NCR1: variants seen among roughly 807,000 people sequenced by gnomAD.
NCR1 encodes the protein natural cytotoxicity triggering receptor 1.
A neutral mutation model predicts 32.5 loss-of-function variants in NCR1; 30 were observed. The ratio of observed to expected loss-of-function variants is 0.92; its 90% CI spans 0.69 to 1.25. The LOEUF (loss-of-function observed/expected upper bound fraction) is 1.25. Ranked by LOEUF, NCR1 falls within the 50% of genes most tolerant of loss-of-function variation. NCR1 has a pLI of 0.00. For missense variants in NCR1, 369 were observed against 380.7 expected (o/e 0.97, Z 0.26); for synonymous variants, 169 against 143.4 (o/e 1.18, Z -1.28).
the NCR1 span, among the ~76,000 whole-genome samples, chr19:54,926,897 CAG>C: frequency 1.6e-5 from 2 of 124,202 alleles, no homozygotes; most frequent in South Asian, 2.6e-4. Context: ...GCCTGGGGGA[CAG>C]AGAGAGACTC....
chr19:54,909,015 A>G (rs1170472894), intron 3 of NCR1, among the ~76,000 whole-genome samples: 11 of 151,030 alleles, frequency 7.3e-5, no homozygotes, highest in Non-Finnish European at 1.3e-4. Flanking sequence ...AAAAAAAAAA[A>G]AGCTGGCTGC....
At chr19:54,907,370 C>T (rs1432146118) in intron 3 of NCR1, among the ~76,000 whole-genome samples, 1 of 149,466 alleles carries the variant, frequency 6.7e-6, no homozygotes, top group African/African-American at 2.5e-5. Flanking sequence ...AGGGTGGTGT[C>T]GAACTCCTGA....
intron 4 of NCR1, 67 bp from the exon 5 acceptor site, chr19:54,909,951 A>AG: frequency 7.2e-7 from 1 of 1,395,298 alleles, no homozygotes; most frequent in Non-Finnish European, 9.9e-7. Flanking sequence ...AAAAAAAAAA[A>AG]AAAAAGAATG....
the NCR1 span, chr19:54,923,765 G>A: frequency 6.2e-7 from 1 of 1,613,640 alleles, no homozygotes; most frequent in Non-Finnish European, 8.5e-7. Context: ...ACAGCACGGA[G>A]GTGCCGTTGC....
downstream of NCR1, among the ~76,000 whole-genome samples, chr19:54,920,844 G>A (rs373715160): frequency 6.6e-6 from 1 of 152,032 alleles, no homozygotes; most frequent in Non-Finnish European, 1.5e-5. Flanking sequence ...GGTGGCTCAC[G>A]CCTGTCATGC....
At position 54,912,962 on chromosome 19, in the gene NCR1, A is replaced by C. The variant is rs1019677661; in HGVS notation, c.*91A>C. 16 of 1,264,114 alleles carry C rather than the reference A, an allele frequency of 1.3e-5. No homozygotes were observed. Among genetic ancestry groups the C allele is most frequent in the Non-Finnish European group, 1.7e-5 (16 of 915,792 alleles). The allele number at this position is 1,264,114 out of a possible 1,614,324, so 78.3% of individuals were successfully genotyped here. A position where few individuals can be genotyped will look rare whatever the true frequency, so the allele number is the denominator to read the frequency against. On this transcript the variant is annotated 3_prime_UTR_variant, in exon 7 of 7. Transcript: ENST00000291890. ...GAGCTCTGTGTTGGACCCACGGAGG[A>C]GGGAGTCACTGCAGGGAAAGAGGGA...
intron 4 of NCR1, 82 bp downstream of exon 4, chr19:54,909,605 A>G: frequency 6.8e-7 from 1 of 1,478,642 alleles, no homozygotes; most frequent in Non-Finnish European, 9.0e-7. Flanking sequence ...AGTGATGGGG[A>G]GGGTGTCCAA....
Position 54,906,304 on chromosome 19 carries a change from T to C in NCR1, c.40T>C (p.Cys14Arg). ...TLPALLCVGL[C>R]LSQRISAQQQ... ...TCATTACTCCCGTCTTCCAGGGCTG[T>C]GTCTGAGTCAGAGGATCAGCGCCCA... The change falls in exon 2 of 7, where the codon TGT becomes CGT. Residue 14 changes from cysteine to arginine, a missense_variant. Coordinates refer to ENST00000291890, the MANE Select transcript of NCR1 (RefSeq NM_004829.7). The C allele has an allele frequency of 1.2e-6, 2 of 1,614,096 alleles. No homozygotes were observed.
upstream of NCR1, among the ~76,000 whole-genome samples, chr19:54,902,483 T>C (rs1403347864): frequency 6.6e-6 from 1 of 151,880 alleles, no homozygotes; most frequent in Non-Finnish European, 1.5e-5. Context: ...GCATTTTTTT[T>C]TCCCCCAGGC....
the NCR1 span, among the ~76,000 whole-genome samples, chr19:54,931,727 G>C: frequency 6.6e-6 from 1 of 151,654 alleles, no homozygotes; most frequent in Non-Finnish European, 1.5e-5. Context: ...GCCCATGCCT[G>C]TAATCCTAGC....
At chr19:54,913,730 G>A (rs900087340), downstream of NCR1, among the ~76,000 whole-genome samples, 7 of 151,566 alleles carry the variant, frequency 4.6e-5, no homozygotes, top group African/African-American at 9.7e-5. Context: ...TCAGGAGTTC[G>A]AGACCAGCCT....
chr19:54,930,497 A>C, the NCR1 span: 13 of 1,596,474 alleles, frequency 8.1e-6, no homozygotes, highest in Admixed American at 2.0e-4. Context: ...AAAATCGCCT[A>C]CCGTAGGTGT....
intron 5 of NCR1, among the ~76,000 whole-genome samples, chr19:54,911,406 C>CTATGTGTG (rs57106871): frequency 0.65 from 97,234 of 149,334 alleles, 34,029 homozygotes; most frequent in Non-Finnish European, 0.81. Flanking sequence ...TTGAATTTCA[C>CTATGTGTG]TATGTGTGAG....
At chr19:54,902,150 G>A (rs115865035), upstream of NCR1, among the ~76,000 whole-genome samples, 245 of 152,240 alleles carry the variant, frequency 1.6e-3, no homozygotes, top group African/African-American at 5.6e-3. Flanking sequence ...TTGGTTTTGG[G>A]AAATATAACC....
the NCR1 span, among the ~76,000 whole-genome samples, chr19:54,924,125 G>C: frequency 6.6e-6 from 1 of 152,094 alleles, no homozygotes; most frequent in Non-Finnish European, 1.5e-5. Context: ...GCACCACCAC[G>C]CTTGGCTAAG....
At chr19:54,906,406 TG>T in intron 2 of NCR1, 72 bp downstream of exon 2, 1 of 1,605,350 alleles carries the variant, frequency 6.2e-7, no homozygotes, top group Non-Finnish European at 8.5e-7. Context: ...CAAGCACGGC[TG>T]GGGTGAGGGG....
At chr19:54,936,932 G>A in the NCR1 span, among the ~76,000 whole-genome samples, 9 of 149,808 alleles carry the variant, frequency 6.0e-5, no homozygotes, top group African/African-American at 9.8e-5. Flanking sequence ...AAAAAAATTC[G>A]CCGGGTGTGG....
chr19:54,901,585 C>T (rs2067303411), upstream of NCR1, among the ~76,000 whole-genome samples: 1 of 151,970 alleles, frequency 6.6e-6, no homozygotes, highest in African/African-American at 2.4e-5. Context: ...AGGTGGGAGG[C>T]TGAGGCAGGC....
intron 5 of NCR1, among the ~76,000 whole-genome samples, chr19:54,911,546 G>C (rs2067979519): frequency 6.6e-6 from 1 of 152,164 alleles, no homozygotes; most frequent in African/African-American, 2.4e-5. Context: ...GAGGTCAGGA[G>C]TTCAAGACCA....
Sources: allele counts gnomAD v4.1 joint callset (sites outside exome capture counted in the v4.1 genomes callset), GRCh38; gene constraint gnomAD v4.1.1; transcripts MANE v1.5; gene names NCBI Gene and HGNC (gene_info 2026-07-23, HGNC 2026-07-21).